Variants in CA10 observed in about 807,000 individuals in gnomAD.
CA10 encodes carbonic anhydrase 10 (inactive), also known as carbonic anhydrase-related protein 10.
A neutral mutation model predicts 44.2 loss-of-function variants in CA10; 14 were observed. The observed-to-expected ratio is 0.32, with a 90% confidence interval of 0.21 to 0.50. The LOEUF is 0.50. Ranked by LOEUF, CA10 falls within the 20% of genes least tolerant of loss-of-function variation. The pLI, the probability that CA10 is intolerant of heterozygous loss-of-function variation, is 0.99. For synonymous variants in CA10, 159 were observed against 141.6 expected (o/e 1.12, Z -0.87); for missense variants, 350 against 409.7 (o/e 0.85, Z 1.26).
chr17:51,932,041 A>C (rs549663759), intron 2 of CA10, among the ~76,000 whole-genome samples: 1 of 152,054 alleles, frequency 6.6e-6, no homozygotes, highest in Non-Finnish European at 1.5e-5. Context: ...ATGGCCATTC[A>C]TTCATCCACC....
At chr17:51,697,248 T>C (rs1051894120) in intron 4 of CA10, among the ~76,000 whole-genome samples, 1 of 152,184 alleles carries the variant, frequency 6.6e-6, no homozygotes, top group East Asian at 1.9e-4. Context: ...GGATTAAACA[T>C]AAAGCTCTAC....
At chr17:51,657,699 T>C (rs1913845473) in intron 4 of CA10, among the ~76,000 whole-genome samples, 1 of 152,232 alleles carries the variant, frequency 6.6e-6, no homozygotes, top group South Asian at 2.1e-4. Flanking sequence ...GGCCCTAAGC[T>C]ATACCTTAAC....
intron 3 of CA10, among the ~76,000 whole-genome samples, chr17:51,781,041 C>T (rs1906037740): frequency 6.6e-6 from 1 of 152,052 alleles, no homozygotes; most frequent in South Asian, 2.1e-4. Context: ...ATGTGTCTAT[C>T]ATAAGTAGTT....
chr17:51,857,320 C>A (rs995037774), intron 3 of CA10, among the ~76,000 whole-genome samples: 1 of 152,012 alleles, frequency 6.6e-6, no homozygotes, highest in East Asian at 1.9e-4. Context: ...CATGGCAGAG[C>A]GAAGACTAGA....
At chr17:52,127,770 G>T (rs76225899) in intron 1 of CA10, among the ~76,000 whole-genome samples, 1 of 151,942 alleles carries the variant, frequency 6.6e-6, no homozygotes, top group Non-Finnish European at 1.5e-5. Flanking sequence ...TTCTTATTTC[G>T]GTTTTTAGCT....
intron 1 of CA10, among the ~76,000 whole-genome samples, chr17:52,092,872 C>G (rs1988304037): frequency 6.6e-6 from 1 of 152,044 alleles, no homozygotes; most frequent in African/African-American, 2.4e-5. Flanking sequence ...TGATTTCTAT[C>G]TATTCTCTGT....
chr17:51,883,775 G>A (rs993324134), intron 3 of CA10, among the ~76,000 whole-genome samples: 3 of 152,218 alleles, frequency 2.0e-5, no homozygotes, highest in Admixed American at 2.0e-4. Flanking sequence ...CATTAGCCAT[G>A]GCTTTAAATA....
intron 1 of CA10, among the ~76,000 whole-genome samples, chr17:52,103,680 G>A (rs1035061025): frequency 6.6e-6 from 1 of 152,214 alleles, no homozygotes; most frequent in Non-Finnish European, 1.5e-5. Flanking sequence ...TTTGTCTTTA[G>A]TCACAAAGCT....
At chr17:51,715,422 A>T (rs949422358) in intron 4 of CA10, among the ~76,000 whole-genome samples, 17 of 151,968 alleles carry the variant, frequency 1.1e-4, no homozygotes, top group African/African-American at 2.7e-4. Context: ...AATTAAAAAA[A>T]TTTTTCCTTT....
At chr17:52,100,849 C>T (rs1988521050) in intron 1 of CA10, among the ~76,000 whole-genome samples, 2 of 152,290 alleles carry the variant, frequency 1.3e-5, no homozygotes, top group Non-Finnish European at 1.5e-5. Context: ...TTATTACATG[C>T]TTAGTAAGGT....
At chr17:52,057,877 T>C (rs147939566) in intron 2 of CA10, among the ~76,000 whole-genome samples, 145 of 152,228 alleles carry the variant, frequency 9.5e-4, no homozygotes, top group African/African-American at 3.4e-3. Flanking sequence ...CCTTCCTTTG[T>C]GCACTTCTGA....
At chr17:52,086,565 G>T (rs542151286) in intron 1 of CA10, among the ~76,000 whole-genome samples, 2 of 152,234 alleles carry the variant, frequency 1.3e-5, no homozygotes, top group Admixed American at 6.5e-5. Context: ...CTAGGGAAAT[G>T]TAGTCCAGCT....
chr17:52,139,552 T>C (rs1168429480), intron 1 of CA10, among the ~76,000 whole-genome samples: 2 of 151,966 alleles, frequency 1.3e-5, no homozygotes, highest in Non-Finnish European at 2.9e-5. Flanking sequence ...CTCTAGCAGT[T>C]AGTAGCTGGG....
intron 1 of CA10, among the ~76,000 whole-genome samples, chr17:52,111,099 A>G (rs1007172128): frequency 1.2e-4 from 18 of 152,320 alleles, no homozygotes; most frequent in Admixed American, 5.9e-4. Flanking sequence ...CGCATATTCA[A>G]AATCTTTGGA....
chr17:51,906,431 G>A (rs900133707), intron 3 of CA10, among the ~76,000 whole-genome samples: 8 of 151,840 alleles, frequency 5.3e-5, no homozygotes, highest in South Asian at 2.1e-4. Flanking sequence ...CTTTCTCACC[G>A]GATGTGCCAT....
chr17:51,901,312 T>C (rs73989469), intron 3 of CA10, among the ~76,000 whole-genome samples: 15,821 of 152,098 alleles, frequency 0.1, 1,079 homozygotes, highest in African/African-American at 0.2. Flanking sequence ...CTGGGCTGTA[T>C]GCTCTAACTC....
intron 3 of CA10, among the ~76,000 whole-genome samples, chr17:51,801,576 GA>G (rs1052519881): frequency 2.0e-4 from 30 of 148,588 alleles, no homozygotes; most frequent in Non-Finnish European, 2.8e-4. Context: ...GACAGACAAT[GA>G]AAAAAAAAAG....
At chr17:52,095,393 G>T (rs2143226628) in intron 1 of CA10, among the ~76,000 whole-genome samples, 1 of 152,116 alleles carries the variant, frequency 6.6e-6, no homozygotes, top group African/African-American at 2.4e-5. Context: ...ATTTTGATTG[G>T]TGTGATAGTT....
intron 4 of CA10, among the ~76,000 whole-genome samples, chr17:51,664,169 T>C (rs776929278): frequency 1.3e-5 from 2 of 152,156 alleles, no homozygotes; most frequent in East Asian, 1.9e-4. Context: ...TGTAGTTCAT[T>C]TGAGTTAAGG....
Sources: gnomAD v4.1 joint callset for allele counts (sites outside exome capture counted in the v4.1 genomes callset) on GRCh38, gnomAD v4.1.1 for gene constraint, MANE v1.5 for transcripts, NCBI Gene and HGNC (gene_info 2026-07-23, HGNC 2026-07-21) for gene names.